Variants in HTR4 observed in about 807,000 individuals in gnomAD.
HTR4 encodes the protein 5-hydroxytryptamine receptor 4.
Under a neutral mutation model 36.8 loss-of-function variants are expected in HTR4, and 16 were observed. That is an observed-to-expected ratio of 0.43 (90% confidence interval 0.29 to 0.66). The LOEUF (loss-of-function observed/expected upper bound fraction) is 0.66. Among genes scored for constraint, HTR4 ranks in the 30% least tolerant of loss-of-function variants. The probability of loss-of-function intolerance (pLI) is 0.13; values close to 1 mark genes in which losing one functional copy is unlikely to be tolerated. For missense variants in HTR4, 438 were observed against 490.9 expected, an observed-to-expected ratio of 0.89 and a Z score of 1.02; for synonymous variants, 189 against 185.1, an observed-to-expected ratio of 1.02 and a Z score of -0.17.
At chr5:148,518,788 T>C (rs545758734) in intron 5 of HTR4, among the ~76,000 whole-genome samples, 1 of 152,296 alleles carries the variant, frequency 6.6e-6, no homozygotes, top group African/African-American at 2.4e-5. Context: ...TTATGATTAT[T>C]GCAATTTTGT....
At position 148,605,653 on chromosome 5, in the gene HTR4, T is replaced by C. The variant is rs189238674; in HGVS notation, c.26+31336A>G. On this transcript the variant is annotated intron_variant, in intron 2 of 6. Coordinates refer to ENST00000377888, the MANE Select transcript of HTR4 (RefSeq NM_000870.7). Reference sequence around the variant, plus strand: ...AGGACAGAGCGGGCCAGGGATCCCCTTCAGGACAAATTATCTATGGCCCTG... The same window carrying C: ...AGGACAGAGCGGGCCAGGGATCCCCCTCAGGACAAATTATCTATGGCCCTG... 2.3e-3 allele frequency among the ~76,000 whole-genome samples: 347 copies of C among 152,152 alleles called. 1 individual carries two copies. The highest frequency in any genetic ancestry group is 7.9e-3 in the African/African-American group (326 of 41,498).
At chr5:148,639,297 A>T (rs1278835207) in intron 1 of HTR4, among the ~76,000 whole-genome samples, 1 of 151,960 alleles carries the variant, frequency 6.6e-6, no homozygotes, top group Non-Finnish European at 1.5e-5. Context: ...ATTCCTTATC[A>T]TAGCTAACCA....
At chr5:148,532,328 A>C (rs1303156228) in intron 4 of HTR4, among the ~76,000 whole-genome samples, 2 of 152,240 alleles carry the variant, frequency 1.3e-5, no homozygotes, top group African/African-American at 4.8e-5. Flanking sequence ...CTGATGTATA[A>C]GTTCCATGAG....
In HTR4 at chr5:148,644,536, AG is replaced by A. The variant is rs1753824960; in HGVS notation, c.-47-7476del. Among the ~76,000 whole-genome samples, 4 of 143,632 alleles carry A rather than the reference AG, an allele frequency of 2.8e-5. No homozygotes were observed. The South Asian group carries it at 9.0e-4, about 32-fold the overall frequency. The allele number at this position is 143,632 out of a possible 152,430, so 94.2% of individuals were successfully genotyped here. On this transcript the variant is annotated intron_variant, in intron 1 of 6. Transcript: ENST00000377888. ...ACTAAATGCACATTGTTAATTTGGC[AG>A]GTGCCAGTACACTGATAGGGGAATA...
chr5:148,478,539 T>C (rs1213369273), downstream of HTR4, among the ~76,000 whole-genome samples: 2 of 152,140 alleles, frequency 1.3e-5, no homozygotes, highest in African/African-American at 4.8e-5. Context: ...GGCAGTATTA[T>C]GAACACCGCC....
At chr5:148,600,251 A>G (rs1411586447) in intron 2 of HTR4, among the ~76,000 whole-genome samples, 1 of 148,368 alleles carries the variant, frequency 6.7e-6, no homozygotes, top group African/African-American at 2.4e-5. Flanking sequence ...AAATATGAAT[A>G]TATCTTCATA....
chr5:148,547,562 A>AAAATAAAATAAAATAAAAT (rs1554094300), intron 4 of HTR4, among the ~76,000 whole-genome samples: 3,195 of 138,740 alleles, frequency 0.023, 60 homozygotes, highest in South Asian at 0.039. Context: ...AAAATAAAAT[A>AAAATAAAATAAAATAAAAT]AAATAAATAA....
chr5:148,592,072 G>A (rs1259414682), intron 2 of HTR4, among the ~76,000 whole-genome samples: 1 of 152,110 alleles, frequency 6.6e-6, no homozygotes, highest in East Asian at 1.9e-4. Context: ...GAATGAGATC[G>A]TGTCTTCTGT....
chr5:148,483,978 TTTG>T (rs1756026544), intron 6 of HTR4, among the ~76,000 whole-genome samples: 1 of 135,350 alleles, frequency 7.4e-6, no homozygotes, highest in Non-Finnish European at 1.6e-5. Context: ...TATTTATTTA[TTTG>T]AGCCAAAATA....
intron 2 of HTR4, among the ~76,000 whole-genome samples, chr5:148,597,823 C>T (rs191900135): frequency 8.5e-5 from 13 of 152,322 alleles, no homozygotes; most frequent in Admixed American, 4.6e-4. Context: ...AAAGGCTTAT[C>T]GCCTTCACTA....
rs200011242 is a variant in HTR4 at position 148,636,994 on chromosome 5, A to G, written c.21T>C (p.Asn7=). MDKLDA[N]VSSEEGFGSV... ...TGTACAGAAAGGTAACATACCTCACATTAGCATCAAGTTTGTCCATTACAG... is the reference window on the plus strand; with the variant it reads ...TGTACAGAAAGGTAACATACCTCACGTTAGCATCAAGTTTGTCCATTACAG... Residue 7 remains asparagine, a synonymous_variant, in exon 2 of 7, where the codon AAT becomes AAC. Transcript: ENST00000377888. The G allele has an allele frequency of 6.9e-6, 11 of 1,597,640 alleles. No individual in the cohort carries two copies. Among genetic ancestry groups the G allele is most frequent in the Admixed American group, 1.7e-5 (1 of 59,892 alleles).
rs1753520363 is a variant in HTR4, at chr5:148,635,960, A to G, written c.26+1029T>C. Among the ~76,000 whole-genome samples, 3 of 152,194 alleles carry G rather than the reference A, an allele frequency of 2.0e-5. No homozygotes were observed. In the South Asian group the frequency reaches 6.2e-4, roughly 31 times the overall value. ...AAAAATACAGTCTCTTTGTATATCT[A>G]TATGTATTAGAACACAACCTTATTT... is the stretch of plus-strand genomic sequence containing the variant. On this transcript the variant is annotated intron_variant, in intron 2 of 6. Coordinates refer to ENST00000377888, the MANE Select transcript of HTR4 (RefSeq NM_000870.7).
chr5:148,481,496 T>A (rs764839152), downstream of HTR4: 23 of 1,394,496 alleles, frequency 1.6e-5, no homozygotes, highest in Non-Finnish European at 1.8e-5. Flanking sequence ...AAACATGACT[T>A]TCTCCCCAAC....
chr5:148,576,842 T>C (rs966949688), intron 2 of HTR4, among the ~76,000 whole-genome samples: 6 of 152,072 alleles, frequency 3.9e-5, no homozygotes, highest in Non-Finnish European at 5.9e-5. Context: ...GAGGCTTAAA[T>C]GTAAAACCCA....
intron 5 of HTR4, among the ~76,000 whole-genome samples, chr5:148,511,125 C>T (rs1245973608): frequency 6.7e-6 from 1 of 149,890 alleles, no homozygotes; most frequent in African/African-American, 2.5e-5. Flanking sequence ...TTTAAATGAG[C>T]CATCTACACC....
chr5:148,644,055 C>T (rs1200545263), intron 1 of HTR4, among the ~76,000 whole-genome samples: 1 of 152,170 alleles, frequency 6.6e-6, no homozygotes, highest in Non-Finnish European at 1.5e-5. Context: ...AGCCTGGACC[C>T]TACCCCAAGT....
chr5:148,553,940 C>T (rs1163516512), intron 2 of HTR4, among the ~76,000 whole-genome samples: 1 of 152,208 alleles, frequency 6.6e-6, no homozygotes, highest in East Asian at 1.9e-4. Flanking sequence ...CAGTCTATAG[C>T]AGCATTATTC....
chr5:148,508,786 T>C (rs1757348032), intron 6 of HTR4, among the ~76,000 whole-genome samples: 2 of 152,174 alleles, frequency 1.3e-5, no homozygotes, highest in South Asian at 4.1e-4. Flanking sequence ...GGCACTACGT[T>C]ATTACTATTG....
At chr5:148,517,698 C>A (rs549802129) in intron 5 of HTR4, among the ~76,000 whole-genome samples, 1 of 152,132 alleles carries the variant, frequency 6.6e-6, no homozygotes, top group South Asian at 2.1e-4. Context: ...AAATTACAAT[C>A]TCGATTGTTA....
Sources: gnomAD v4.1 joint callset for allele counts (sites outside exome capture counted in the v4.1 genomes callset) on GRCh38, gnomAD v4.1.1 for gene constraint, MANE v1.5 for transcripts, NCBI Gene and HGNC (gene_info 2026-07-23, HGNC 2026-07-21) for gene names.